The following FNIP2 variants were observed in gnomAD, a reference collection of about 807,000 sequenced individuals.
FNIP2 encodes folliculin-interacting protein 2.
Under a neutral mutation model 108.7 loss-of-function variants are expected in FNIP2, and 32 were observed. That is an observed-to-expected ratio of 0.29 (90% CI 0.22 to 0.40). FNIP2 has a LOEUF of 0.40. Ranked by LOEUF, FNIP2 falls within the 10% of genes least tolerant of loss-of-function variation. The pLI is 1.00. For synonymous variants in FNIP2, 480 were observed against 496.7 expected, an observed-to-expected ratio of 0.97 and a Z score of 0.45; for missense variants, 1,202 against 1,381.6, an observed-to-expected ratio of 0.87 and a Z score of 2.06.
intron 7 of FNIP2, among the ~76,000 whole-genome samples, chr4:158,850,103 G>T (rs1167650173): frequency 1.3e-5 from 2 of 152,162 alleles, no homozygotes; most frequent in African/African-American, 4.8e-5. Flanking sequence ...AAGAGCTCAG[G>T]TCGGGAAGTC....
intron 14 of FNIP2, among the ~76,000 whole-genome samples, chr4:158,882,574 A>C (rs1038333238): frequency 2.0e-5 from 3 of 152,274 alleles, no homozygotes; most frequent in African/African-American, 7.2e-5. Flanking sequence ...AATGCGGAGA[A>C]AAGATAGAGA....
chr4:158,811,534 T>C (rs1297864659), intron 1 of FNIP2, among the ~76,000 whole-genome samples: 3 of 149,398 alleles, frequency 2.0e-5, no homozygotes, highest in Non-Finnish European at 4.5e-5. Flanking sequence ...CTCTCTGTTT[T>C]TGTTTTTTAA....
At chr4:158,804,074 A>G (rs1192094318) in intron 1 of FNIP2, among the ~76,000 whole-genome samples, 1 of 152,126 alleles carries the variant, frequency 6.6e-6, no homozygotes, top group Non-Finnish European at 1.5e-5. Flanking sequence ...AGTAGCTGGG[A>G]CTATAGGCAT....
chr4:158,888,699 G>C (rs1485073012), intron 14 of FNIP2, among the ~76,000 whole-genome samples: 1 of 151,998 alleles, frequency 6.6e-6, no homozygotes, highest in Non-Finnish European at 1.5e-5. Context: ...GACAAGCCTG[G>C]CCAACACAGC....
chr4:158,842,002 A>G (rs1051216343), intron 7 of FNIP2, among the ~76,000 whole-genome samples: 1 of 152,238 alleles, frequency 6.6e-6, no homozygotes, highest in African/African-American at 2.4e-5. Context: ...TATCTTAACC[A>G]TCGAATCTTG....
chr4:158,779,410 A>C (rs1271146115), intron 1 of FNIP2, among the ~76,000 whole-genome samples: 6 of 152,228 alleles, frequency 3.9e-5, no homozygotes, highest in South Asian at 4.1e-4. Flanking sequence ...TGTTTATGTT[A>C]AATGAAAACA....
chr4:158,811,978 T>C (rs1231100453), intron 1 of FNIP2, among the ~76,000 whole-genome samples: 2 of 152,186 alleles, frequency 1.3e-5, no homozygotes, highest in African/African-American at 4.8e-5. Flanking sequence ...GTGTGCATCC[T>C]AAAAAGAATA....
chr4:158,783,097 T>A (rs535741629), intron 1 of FNIP2, among the ~76,000 whole-genome samples: 1 of 152,252 alleles, frequency 6.6e-6, no homozygotes, highest in Non-Finnish European at 1.5e-5. Flanking sequence ...AAGTCAATAT[T>A]GTGTTTAACA....
intron 1 of FNIP2, among the ~76,000 whole-genome samples, chr4:158,780,802 G>A (rs1776016577): frequency 6.6e-6 from 1 of 152,178 alleles, no homozygotes; most frequent in South Asian, 2.1e-4. Flanking sequence ...GGAGGCTGAG[G>A]CAGGCAGATC....
chr4:158,820,643 A>G (rs1254532394), intron 1 of FNIP2, among the ~76,000 whole-genome samples: 1 of 152,218 alleles, frequency 6.6e-6, no homozygotes, highest in Non-Finnish European at 1.5e-5. Flanking sequence ...AGTAGTCCTC[A>G]GGTGCCTTTC....
chr4:158,875,097 A>G (rs148136532), intron 14 of FNIP2, among the ~76,000 whole-genome samples: 18 of 152,058 alleles, frequency 1.2e-4, no homozygotes, highest in African/African-American at 3.9e-4. Flanking sequence ...AAAAAAAAAA[A>G]AAAAGAAAAG....
At chr4:158,858,996 G>C in intron 8 of FNIP2, 61 bp from the exon 9 acceptor site, 1 of 1,403,408 alleles carries the variant, frequency 7.1e-7, no homozygotes, top group South Asian at 1.2e-5. Flanking sequence ...AGTCATTACA[G>C]TTGACCTTCA....
At chr4:158,787,011 T>C (rs1385375639) in intron 1 of FNIP2, among the ~76,000 whole-genome samples, 1 of 152,080 alleles carries the variant, frequency 6.6e-6, no homozygotes, top group African/African-American at 2.4e-5. Context: ...TCTGTGACTT[T>C]TTGAATTTTA....
chr4:158,819,517 T>G (rs941758758), intron 1 of FNIP2, among the ~76,000 whole-genome samples: 7 of 152,230 alleles, frequency 4.6e-5, no homozygotes, highest in Admixed American at 3.9e-4. Flanking sequence ...TTTTATGCAG[T>G]TCCACTGAAA....
intron 2 of FNIP2, among the ~76,000 whole-genome samples, chr4:158,828,107 G>GT (rs1778258550): frequency 6.6e-6 from 1 of 152,116 alleles, no homozygotes; most frequent in Non-Finnish European, 1.5e-5. Context: ...ATCCTTATAC[G>GT]TTTGTCACTG....
In FNIP2 at chr4:158,868,343, C is replaced by T. The variant is rs748201613; in HGVS notation, c.1707C>T (p.Val569=). Reference sequence around the variant, plus strand: ...AGGTGGAGGAGTCTGAGTATGTGGTCATTACGGTGAGGAACGAGCCCGCTC... The same window carrying T: ...AGGTGGAGGAGTCTGAGTATGTGGTTATTACGGTGAGGAACGAGCCCGCTC... ...KGEVEESEYV[V]ITVRNEPALV... is the part of the protein sequence containing the mutation. Residue 569 remains valine, a synonymous_variant, in exon 13 of 17, where the codon GTC becomes GTT. Transcript: ENST00000264433. The surrounding 1 kb of genome is among the most constrained non-coding windows in gnomAD (Gnocchi z 4.6). 7 of 1,613,964 alleles carry T rather than the reference C, an allele frequency of 4.3e-6. No individual in the cohort carries two copies. Among genetic ancestry groups the T allele is most frequent in the Middle Eastern group, 3.3e-4 (2 of 6,062 alleles).
intron 14 of FNIP2, among the ~76,000 whole-genome samples, chr4:158,884,733 G>C (rs190713111): frequency 3.4e-3 from 519 of 152,256 alleles, no homozygotes; most frequent in Middle Eastern, 0.02. Flanking sequence ...GCAGGGCTGG[G>C]GAGGCCTCAG....
intron 1 of FNIP2, among the ~76,000 whole-genome samples, chr4:158,810,927 T>C (rs1777233535): frequency 6.6e-6 from 1 of 152,242 alleles, no homozygotes; most frequent in Admixed American, 6.5e-5. Context: ...GGTTCTCCTG[T>C]TATGACTCCT....
In FNIP2 at chr4:158,825,975, A is replaced by G. The variant is rs772423846; in HGVS notation, c.167A>G (p.Asp56Gly). The change falls in exon 2 of 17, where the codon GAC becomes GGC. Residue 56 changes from aspartate (D) to glycine (G), a missense_variant. Around this residue, in one of 5 missense-constraint regions of FNIP2, gnomAD observed 173 missense variants for 165.9 expected, o/e 1.04. Coordinates refer to ENST00000264433, the MANE Select transcript of FNIP2 (RefSeq NM_020840.3). ...EIRLIVYQDC[D>G]RRGRQVLFDS... ...CGCCTGATAGTTTACCAGGACTGTG[A>G]CAGGAGAGGCAGACAAGTCTTGTTT... 6.2e-7 allele frequency: 1 copy of G among 1,609,420 alleles called. No homozygotes were observed. Among genetic ancestry groups the G allele is most frequent in the Non-Finnish European group, 8.5e-7 (1 of 1,176,062 alleles).
Sources: allele counts gnomAD v4.1 joint callset (sites outside exome capture counted in the v4.1 genomes callset), GRCh38; gene constraint gnomAD v4.1.1; regional missense constraint gnomAD v4.1.1; non-coding constraint Gnocchi (gnomAD v3.1); transcripts MANE v1.5; gene names NCBI Gene and HGNC (gene_info 2026-07-23, HGNC 2026-07-21).